The following CDH12 variants were observed in gnomAD, a reference collection of about 807,000 sequenced individuals.
CDH12 encodes the protein cadherin-12.
Under a neutral mutation model 74.1 loss-of-function variants are expected in CDH12, and 41 were observed. The observed-to-expected ratio is 0.55, with a 90% CI of 0.43 to 0.72. The LOEUF (loss-of-function observed/expected upper bound fraction) is 0.72, where lower values mean the gene tolerates loss of function less well. Among genes scored for constraint, CDH12 ranks in the 30% least tolerant of loss-of-function variants. The pLI, the probability that CDH12 is intolerant of heterozygous loss-of-function variation, is 0.00. For missense variants in CDH12, 945 were observed against 977.2 expected (o/e 0.97, Z 0.44); for synonymous variants, 399 against 355.0 (o/e 1.12, Z -1.39).
At chr5:22,587,380 G>A (rs898129569) in intron 1 of CDH12, among the ~76,000 whole-genome samples, 3 of 152,070 alleles carry the variant, frequency 2.0e-5, no homozygotes, top group Admixed American at 2.0e-4. Flanking sequence ...CTAGTCTCTG[G>A]AGTTCTTTTA....
At chr5:22,117,341 G>C (rs1200170116) in intron 4 of CDH12, among the ~76,000 whole-genome samples, 1 of 146,082 alleles carries the variant, frequency 6.8e-6, no homozygotes, top group Non-Finnish European at 1.5e-5. Context: ...AATCCTAAAT[G>C]AAAGTTATGA....
intron 1 of CDH12, among the ~76,000 whole-genome samples, chr5:22,646,173 C>A (rs946153839): frequency 5.3e-5 from 8 of 151,872 alleles, no homozygotes; most frequent in South Asian, 2.1e-4. Context: ...TTTATAGACT[C>A]ATTGATAATA....
At chr5:21,897,751 CTATT>C (rs1417587830) in intron 6 of CDH12, among the ~76,000 whole-genome samples, 1 of 152,100 alleles carries the variant, frequency 6.6e-6, no homozygotes, top group East Asian at 1.9e-4. Context: ...TTTATCAGAG[CTATT>C]TTGAAAATGA....
chr5:21,908,574 A>T (rs1753737941), intron 6 of CDH12, among the ~76,000 whole-genome samples: 1 of 152,194 alleles, frequency 6.6e-6, no homozygotes, highest in African/African-American at 2.4e-5. Context: ...AATGCACTGA[A>T]CACACATATT....
At chr5:21,836,241 A>G (rs1418040212) in intron 8 of CDH12, among the ~76,000 whole-genome samples, 1 of 151,780 alleles carries the variant, frequency 6.6e-6, no homozygotes, top group Non-Finnish European at 1.5e-5. Flanking sequence ...ATGATGTTTT[A>G]CTGACTTGTA....
chr5:22,364,444 A>T (rs1340413256), intron 3 of CDH12, among the ~76,000 whole-genome samples: 1 of 152,206 alleles, frequency 6.6e-6, no homozygotes, highest in Admixed American at 6.5e-5. Context: ...TACTTAGTTT[A>T]TGACAGATTT....
intron 4 of CDH12, among the ~76,000 whole-genome samples, chr5:22,126,383 C>T (rs1259819574): frequency 6.6e-6 from 1 of 152,046 alleles, no homozygotes; most frequent in Admixed American, 6.5e-5. Flanking sequence ...TTATGAGGCA[C>T]TAAGAAAAAA....
intron 3 of CDH12, among the ~76,000 whole-genome samples, chr5:22,363,035 A>G (rs1740885044): frequency 6.6e-6 from 1 of 152,026 alleles, no homozygotes; most frequent in Admixed American, 6.6e-5. Flanking sequence ...TATGTATGTA[A>G]CAAACCTGCG....
rs550139849 is a variant in CDH12 at position 22,000,109 on chromosome 5, TTTTTC to T, written c.232-24729_232-24725del. On this transcript the variant is annotated intron_variant, in intron 5 of 14. Transcript: ENST00000382254. ...TAGAAATGTGACTCCTGCTATTTGC[TTTTTC>T]TTTTCTTTTTTCTTATTAAAATTAT... Among the ~76,000 whole-genome samples, 38 of 152,078 alleles carry T rather than the reference TTTTTC, an allele frequency of 2.5e-4. No individual in the cohort carries two copies. The South Asian group carries it at 4.4e-3, about 17-fold the overall frequency.
At chr5:22,159,537 GCT>G (rs766000112) in intron 4 of CDH12, among the ~76,000 whole-genome samples, 3 of 152,108 alleles carry the variant, frequency 2.0e-5, no homozygotes, top group Non-Finnish European at 2.9e-5. Context: ...CTCTCTGGCA[GCT>G]CTCTGTTTGA....
intron 2 of CDH12, among the ~76,000 whole-genome samples, chr5:22,491,810 G>T (rs975388492): frequency 6.6e-6 from 1 of 151,968 alleles, no homozygotes; most frequent in Non-Finnish European, 1.5e-5. Context: ...CAAAATCAAG[G>T]TATTTGCAGG....
intron 5 of CDH12, among the ~76,000 whole-genome samples, chr5:22,061,783 G>A (rs1202880229): frequency 6.6e-6 from 1 of 152,122 alleles, no homozygotes; most frequent in Non-Finnish European, 1.5e-5. Context: ...TGTGTGGTTG[G>A]TGAAAAATGC....
At chr5:22,590,226 T>A (rs1047413464) in intron 1 of CDH12, among the ~76,000 whole-genome samples, 14 of 152,160 alleles carry the variant, frequency 9.2e-5, no homozygotes, top group Non-Finnish European at 2.1e-4. Context: ...TCTCGTTAAA[T>A]ATGCACTCTT....
intron 4 of CDH12, among the ~76,000 whole-genome samples, chr5:22,162,656 A>G (rs540343883): frequency 6.6e-6 from 1 of 152,202 alleles, no homozygotes; most frequent in East Asian, 1.9e-4. Context: ...CATCATGCAT[A>G]TATTAAGTTT....
intron 1 of CDH12, among the ~76,000 whole-genome samples, chr5:22,529,085 A>ATC (rs1737428493): frequency 6.6e-6 from 1 of 150,598 alleles, no homozygotes; most frequent in Non-Finnish European, 1.5e-5. Context: ...ATATATATGC[A>ATC]TGCAAAACAT....
intron 4 of CDH12, among the ~76,000 whole-genome samples, chr5:22,176,664 A>G (rs958338722): frequency 1.3e-5 from 2 of 152,090 alleles, no homozygotes; most frequent in African/African-American, 4.8e-5. Context: ...CTTTCTGCCT[A>G]ACTGCCACCC....
At position 22,796,664 on chromosome 5, in the gene CDH12, C is replaced by T. The variant is rs1002774958; in HGVS notation, c.-523+56394G>A. Among the ~76,000 whole-genome samples the T allele has an allele frequency of 2.3e-5, 3 of 131,686 alleles. 1 individual carries two copies. Among genetic ancestry groups the T allele is most frequent in the African/African-American group, 6.3e-5 (2 of 31,878 alleles). 86.4% of individuals were successfully genotyped at this position (131,686 alleles called of 152,430 possible). On this transcript the variant is annotated intron_variant, in intron 1 of 14. Coordinates refer to ENST00000382254, the MANE Select transcript of CDH12 (RefSeq NM_004061.5). Reference sequence around the variant, plus strand: ...CCTCCCAAGTAGCTGGGACTACAGGCGCCCGCCACTACGCCCGGCTAATTT... The same window carrying T: ...CCTCCCAAGTAGCTGGGACTACAGGTGCCCGCCACTACGCCCGGCTAATTT...
intron 6 of CDH12, among the ~76,000 whole-genome samples, chr5:21,963,527 T>A (rs763459585): frequency 5.9e-5 from 9 of 152,224 alleles, no homozygotes; most frequent in Admixed American, 3.3e-4. Flanking sequence ...CTCTTGAGTA[T>A]GAAAAACTTG....
intron 1 of CDH12, among the ~76,000 whole-genome samples, chr5:22,618,909 C>G (rs997384321): frequency 6.6e-6 from 1 of 151,992 alleles, no homozygotes; most frequent in African/African-American, 2.4e-5. Context: ...TAGGCAAACT[C>G]CCTTGCCTGC....
Sources: gnomAD v4.1 joint callset for allele counts (sites outside exome capture counted in the v4.1 genomes callset) on GRCh38, gnomAD v4.1.1 for gene constraint, MANE v1.5 for transcripts, NCBI Gene and HGNC (gene_info 2026-07-23, HGNC 2026-07-21) for gene names.